The following CSMD1 variants were observed in gnomAD, a reference collection of about 807,000 sequenced individuals.
CSMD1 encodes the protein CUB and sushi domain-containing protein 1.
In CSMD1, 213 loss-of-function variants were observed where a neutral mutation model predicts 417.5. The ratio of observed to expected loss-of-function variants is 0.51; its 90% CI spans 0.46 to 0.57. The LOEUF (loss-of-function observed/expected upper bound fraction) is 0.57, where lower values mean the gene tolerates loss of function less well. Among genes scored for constraint, CSMD1 ranks in the 20% least tolerant of loss-of-function variants. The pLI is 0.00. For missense variants in CSMD1, 6,923 were observed against 4,529.7 expected, an observed-to-expected ratio of 1.53 and a Z score of -15.17; for synonymous variants, 2,862 against 1,736.8, an observed-to-expected ratio of 1.65 and a Z score of -16.11.
chr8:4,282,549 T>C (rs1448789916), intron 3 of CSMD1, among the ~76,000 whole-genome samples: 1 of 152,226 alleles, frequency 6.6e-6, no homozygotes, highest in Non-Finnish European at 1.5e-5. Flanking sequence ...AATGTGTTTT[T>C]CTATGCAGCA....
chr8:3,934,846 C>G (rs1258080985), intron 5 of CSMD1, among the ~76,000 whole-genome samples: 3 of 152,002 alleles, frequency 2.0e-5, no homozygotes, highest in South Asian at 4.2e-4. Flanking sequence ...GACTCTGTCT[C>G]AATAAATAAA....
intron 3 of CSMD1, among the ~76,000 whole-genome samples, chr8:4,164,119 T>A (rs987858393): frequency 5.9e-5 from 9 of 152,016 alleles, no homozygotes; most frequent in African/African-American, 2.2e-4. Context: ...ACTTTTAAAT[T>A]TTATTATACC....
chr8:3,845,974 T>C (rs1242882829), intron 5 of CSMD1, among the ~76,000 whole-genome samples: 2 of 152,166 alleles, frequency 1.3e-5, no homozygotes, highest in Non-Finnish European at 2.9e-5. Flanking sequence ...GGGGCAGTAG[T>C]ACCCATGGAG....
rs377400820 is a variant in CSMD1 at position 3,919,749 on chromosome 8, T to C, written c.818+78154A>G. ...AGTATGGACATTTTAAAAATATTAA[T>C]TATTCCAATCCAGGAACACAAGCTA... is the stretch of plus-strand genomic sequence containing the variant. On this transcript the variant is annotated intron_variant, in intron 5 of 69. Coordinates refer to ENST00000635120, the MANE Select transcript of CSMD1 (RefSeq NM_033225.6). 2.6e-5 allele frequency among the ~76,000 whole-genome samples: 4 copies of C among 152,266 alleles called. No individual in the cohort carries two copies. The East Asian group carries it at 7.7e-4, about 29-fold the overall frequency.
chr8:2,960,021 T>G (rs1298833030), intron 62 of CSMD1, among the ~76,000 whole-genome samples: 2 of 152,200 alleles, frequency 1.3e-5, no homozygotes, highest in Non-Finnish European at 2.9e-5. Flanking sequence ...AGAACTATGT[T>G]GCTAAATACA....
intron 3 of CSMD1, among the ~76,000 whole-genome samples, chr8:4,262,849 G>T (rs1013176966): frequency 2.6e-5 from 4 of 152,128 alleles, no homozygotes; most frequent in Non-Finnish European, 5.9e-5. Flanking sequence ...AATCAAAACT[G>T]TCTTTTAAGC....
At chr8:3,229,916 C>G in intron 27 of CSMD1, 124 bp downstream of exon 27, 2 of 678,542 alleles carry the variant, frequency 2.9e-6, no homozygotes, top group Non-Finnish European at 2.3e-6. Flanking sequence ...TCTCAGAGAG[C>G]CAGAGAACAT....
At chr8:3,079,044 G>A (rs1186907641) in intron 49 of CSMD1, among the ~76,000 whole-genome samples, 1 of 152,166 alleles carries the variant, frequency 6.6e-6, no homozygotes, top group Non-Finnish European at 1.5e-5. Context: ...GGGTCACAGA[G>A]CCAGCAAATG....
chr8:3,520,103 T>G (rs939481569), intron 10 of CSMD1, among the ~76,000 whole-genome samples: 2 of 151,450 alleles, frequency 1.3e-5, no homozygotes, highest in Admixed American at 1.3e-4. Context: ...TTATGCTTCT[T>G]AAACATACTT....
chr8:4,398,616 C>G (rs1007333651), intron 3 of CSMD1, among the ~76,000 whole-genome samples: 2 of 151,982 alleles, frequency 1.3e-5, no homozygotes, highest in Admixed American at 1.3e-4. Flanking sequence ...AGGATTGTCT[C>G]GATCTCCTGA....
chr8:3,491,049 A>G (rs1405888611), intron 11 of CSMD1, among the ~76,000 whole-genome samples: 1 of 152,188 alleles, frequency 6.6e-6, no homozygotes, highest in Non-Finnish European at 1.5e-5. Context: ...CCTCAATGGA[A>G]ATGTTCCTGA....
intron 7 of CSMD1, among the ~76,000 whole-genome samples, chr8:3,664,185 C>T (rs1420549250): frequency 1.3e-5 from 2 of 152,118 alleles, no homozygotes; most frequent in Admixed American, 6.5e-5. Context: ...CTACCCTAGA[C>T]CCCCACCCCA....
At chr8:3,527,069 C>G (rs1010392361) in intron 10 of CSMD1, among the ~76,000 whole-genome samples, 3 of 151,982 alleles carry the variant, frequency 2.0e-5, no homozygotes, top group African/African-American at 7.3e-5. Context: ...CAGTGCCACG[C>G]TGCAAAGAAA....
At chr8:3,683,030 ACACC>A (rs2117619297) in intron 7 of CSMD1, among the ~76,000 whole-genome samples, 1 of 152,152 alleles carries the variant, frequency 6.6e-6, no homozygotes, top group South Asian at 2.1e-4. Flanking sequence ...GGAACATCAC[ACACC>A]AGGGACTGTT....
intron 1 of CSMD1, among the ~76,000 whole-genome samples, chr8:4,935,709 G>A (rs1045494540): frequency 2.0e-5 from 3 of 152,176 alleles, no homozygotes; most frequent in African/African-American, 7.2e-5. Context: ...TAGGATTGAG[G>A]AATGGCGTGC....
In CSMD1 at chr8:3,997,812, G is replaced by A. The variant is rs957549207; in HGVS notation, c.818+91C>T. On this transcript the variant is annotated intron_variant, in intron 5 of 69. Coordinates refer to ENST00000635120, the MANE Select transcript of CSMD1 (RefSeq NM_033225.6). ...GGAACACACATGCTTGCCCATGAAC[G>A]TCCAGAGACAAGCAATTCTTGAAGC... is the stretch of plus-strand genomic sequence containing the variant. 51 of 1,188,386 alleles carry A rather than the reference G, an allele frequency of 4.3e-5. 2 individuals carry two copies. In the South Asian group the frequency reaches 6.4e-4, roughly 15 times the overall value. The allele number at this position is 1,188,386 out of a possible 1,614,324, so 73.6% of individuals were successfully genotyped here. A position where few individuals can be genotyped will look rare whatever the true frequency, so the allele number is the denominator to read the frequency against.
Position 3,524,027 on chromosome 8 carries a change from A to C in CSMD1, c.1345-30301T>G, listed in dbSNP as rs1439419967. 2.0e-5 allele frequency among the ~76,000 whole-genome samples: 3 copies of C among 146,568 alleles called. No homozygotes were observed. In the East Asian group the frequency reaches 6.1e-4, roughly 30 times the overall value. ...TGCACACATGTGCACGTGCACACACACACACATGCACACCCAGAGACACGT... is the reference window on the plus strand; with the variant it reads ...TGCACACATGTGCACGTGCACACACCCACACATGCACACCCAGAGACACGT... On this transcript the variant is annotated intron_variant, in intron 10 of 69. Coordinates refer to ENST00000635120, the MANE Select transcript of CSMD1 (RefSeq NM_033225.6).
At chr8:3,620,968 T>G (rs1393539347) in intron 7 of CSMD1, among the ~76,000 whole-genome samples, 3 of 152,142 alleles carry the variant, frequency 2.0e-5, no homozygotes, top group African/African-American at 7.2e-5. Flanking sequence ...AAGAGGTAAT[T>G]AACTTAAAGT....
At chr8:3,901,559 A>G (rs867718068) in intron 5 of CSMD1, among the ~76,000 whole-genome samples, 4 of 152,210 alleles carry the variant, frequency 2.6e-5, no homozygotes, top group South Asian at 2.1e-4. Flanking sequence ...GTTTGCTCAT[A>G]AAGTAGAGTC....
Sources: allele counts gnomAD v4.1 joint callset (sites outside exome capture counted in the v4.1 genomes callset), GRCh38; gene constraint gnomAD v4.1.1; transcripts MANE v1.5; gene names NCBI Gene and HGNC (gene_info 2026-07-23, HGNC 2026-07-21).